ZSWIM5: variants seen among roughly 807,000 people sequenced by gnomAD.
ZSWIM5 encodes the protein zinc finger SWIM-type containing 5, also known as zinc finger SWIM domain-containing protein 5.
A neutral mutation model predicts 119.6 loss-of-function variants in ZSWIM5; 55 were observed. The observed-to-expected ratio is 0.46, with a 90% confidence interval of 0.37 to 0.58. ZSWIM5 has a LOEUF of 0.58. Among genes scored for constraint, ZSWIM5 ranks in the 20% least tolerant of loss-of-function variants. ZSWIM5 has a pLI of 0.00. For synonymous variants in ZSWIM5, 537 were observed against 606.9 expected (o/e 0.88, Z 1.69); for missense variants, 1,193 against 1,512.8 (o/e 0.79, Z 3.51).
Position 45,129,209 on chromosome 1 carries a change from A to C in ZSWIM5, c.596-40972T>G, listed in dbSNP as rs1645640172. On this transcript the variant is annotated intron_variant, in intron 1 of 13. Transcript: ENST00000359600. ...AGAGTCTCGCTGTTGCCCAGGCTGA[A>C]GCGCAATTGCGCAATCTCAGCTCAC... Among the ~76,000 whole-genome samples the C allele has an allele frequency of 2.8e-5, 4 of 141,316 alleles. No homozygotes were observed. The South Asian group carries it at 8.7e-4, about 31-fold the overall frequency. The allele number at this position is 141,316 out of a possible 152,430, so 92.7% of individuals were successfully genotyped here.
At chr1:45,052,876 C>T (rs1339910385) in intron 4 of ZSWIM5, among the ~76,000 whole-genome samples, 1 of 151,778 alleles carries the variant, frequency 6.6e-6, no homozygotes, top group Non-Finnish European at 1.5e-5. Flanking sequence ...AATCCTAGCC[C>T]TGTGGGAGGC....
chr1:45,037,168 T>C (rs2148992216), intron 8 of ZSWIM5, among the ~76,000 whole-genome samples: 1 of 141,554 alleles, frequency 7.1e-6, no homozygotes, highest in Admixed American at 7.5e-5. Context: ...TGGAGAGCAG[T>C]GGCACGGTAT....
intron 1 of ZSWIM5, among the ~76,000 whole-genome samples, chr1:45,194,121 C>T (rs1646108626): frequency 6.6e-6 from 1 of 152,042 alleles, no homozygotes; most frequent in South Asian, 2.1e-4. Flanking sequence ...GTGATGTTGG[C>T]TACTCATATC....
intron 5 of ZSWIM5, among the ~76,000 whole-genome samples, chr1:45,050,728 G>T (rs991277599): frequency 1.3e-5 from 2 of 152,128 alleles, no homozygotes; most frequent in African/African-American, 4.8e-5. Flanking sequence ...CCTCCCCTAA[G>T]TTAGGTCTCA....
chr1:45,205,865 G>A lies in ZSWIM5; in HGVS notation c.486C>T (p.Pro162=), dbSNP rs749414149. ...APGGVAAGAS[P]GLGAGAGAAG... Reference sequence around the variant, plus strand: ...CCGCGCCGGCCCCTGCGCCCAGCCCGGGGGATGCCCCAGCCGCGACGCCCC... The same window carrying A: ...CCGCGCCGGCCCCTGCGCCCAGCCCAGGGGATGCCCCAGCCGCGACGCCCC... Residue 162 remains proline (P), a synonymous_variant, in exon 1 of 14, where the codon CCC becomes CCT. Transcript: ENST00000359600. 2.9e-6 allele frequency: 4 copies of A among 1,369,036 alleles called. No individual in the cohort carries two copies. Among genetic ancestry groups the A allele is most frequent in the South Asian group, 1.4e-5 (1 of 70,644 alleles). The allele number at this position is 1,369,036 out of a possible 1,614,324, so 84.8% of individuals were successfully genotyped here.
intron 1 of ZSWIM5, among the ~76,000 whole-genome samples, chr1:45,182,850 G>C (rs1322613721): frequency 3.3e-5 from 5 of 152,050 alleles, no homozygotes; most frequent in Non-Finnish European, 5.9e-5. Context: ...AAGACAGAAA[G>C]TTAACAAGGA....
chr1:45,172,415 TAGTGA>T (rs544777841), intron 1 of ZSWIM5, among the ~76,000 whole-genome samples: 23 of 152,266 alleles, frequency 1.5e-4, no homozygotes, highest in Admixed American at 5.9e-4. Context: ...GATATATTCT[TAGTGA>T]AGTGAACTGA....
At chr1:45,077,147 T>C (rs1330863973) in intron 2 of ZSWIM5, among the ~76,000 whole-genome samples, 1 of 152,146 alleles carries the variant, frequency 6.6e-6, no homozygotes, top group Non-Finnish European at 1.5e-5. Context: ...CTGAATGGTG[T>C]TGATGCTTGT....
chr1:45,034,278 G>GTGAT, intron 11 of ZSWIM5, 34 bp downstream of exon 11: 1 of 1,542,346 alleles, frequency 6.5e-7, no homozygotes, highest in Non-Finnish European at 8.7e-7. Flanking sequence ...AGGCAGACGG[G>GTGAT]TGATGCTGGA....
rs1248856177 is a variant in ZSWIM5, at chr1:45,060,318, TTG to T, written c.953-73_953-72del. On this transcript the variant is annotated intron_variant, in intron 2 of 13. Transcript: ENST00000359600. ...CTACACATTCAGCTGGAGGGGCACT[TTG>T]TGAGCATATTCAAACAGAGATGGGT... 1.6e-5 allele frequency: 24 copies of T among 1,532,624 alleles called. No individual in the cohort carries two copies. The East Asian group carries it at 2.3e-4, about 15-fold the overall frequency. 94.9% of individuals were successfully genotyped at this position (1,532,624 alleles called of 1,614,324 possible).
chr1:45,179,018 A>C (rs1049220165), intron 1 of ZSWIM5, among the ~76,000 whole-genome samples: 3 of 152,134 alleles, frequency 2.0e-5, no homozygotes, highest in African/African-American at 7.2e-5. Flanking sequence ...ATACACTAGC[A>C]ACAAACAATT....
At chr1:45,193,938 G>GTGTGTGTATATATATATATATATATATA (rs766920512) in intron 1 of ZSWIM5, among the ~76,000 whole-genome samples, 2 of 146,210 alleles carry the variant, frequency 1.4e-5, no homozygotes, top group African/African-American at 5.1e-5. Flanking sequence ...GTGCATATGT[G>GTGTGTGTATATATATATATATATATATA]TATATATATA....
rs1241024616 is a variant in ZSWIM5 at position 45,079,011 on chromosome 1, G to A, written c.952+8870C>T. Among the ~76,000 whole-genome samples, 7 of 152,246 alleles carry A rather than the reference G, an allele frequency of 4.6e-5. No homozygotes were observed. The East Asian group carries it at 1.2e-3, about 25-fold the overall frequency. ...AATCACAAAAGAAGTGAAAATGGCTGGTTCCTGCCTTAACTGATGACATTC... is the reference window on the plus strand; with the variant it reads ...AATCACAAAAGAAGTGAAAATGGCTAGTTCCTGCCTTAACTGATGACATTC... On this transcript the variant is annotated intron_variant, in intron 2 of 13. Coordinates refer to ENST00000359600, the MANE Select transcript of ZSWIM5 (RefSeq NM_020883.2).
chr1:45,134,296 A>G (rs1312479569), intron 1 of ZSWIM5, among the ~76,000 whole-genome samples: 2 of 152,148 alleles, frequency 1.3e-5, no homozygotes, highest in Non-Finnish European at 2.9e-5. Context: ...GTATAAAAAT[A>G]AATACAATTT....
At chr1:45,107,775 C>A (rs1557768301) in intron 1 of ZSWIM5, among the ~76,000 whole-genome samples, 1 of 151,950 alleles carries the variant, frequency 6.6e-6, no homozygotes, top group Non-Finnish European at 1.5e-5. Flanking sequence ...TCAGATGCCT[C>A]CTTTTCTTTC....
chr1:45,119,838 T>A (rs1355611470), intron 1 of ZSWIM5, among the ~76,000 whole-genome samples: 2 of 152,208 alleles, frequency 1.3e-5, no homozygotes, highest in African/African-American at 4.8e-5. Flanking sequence ...GATGATCTCA[T>A]CTTACACCTC....
rs1354243884 is a variant in ZSWIM5 at position 45,088,309 on chromosome 1, A to C, written c.596-72T>G. 4 of 1,084,462 alleles carry C rather than the reference A, an allele frequency of 3.7e-6. No individual in the cohort carries two copies. The highest frequency in any genetic ancestry group is 2.1e-4 in the Middle Eastern group (1 of 4,692). 67.2% of individuals were successfully genotyped at this position (1,084,462 alleles called of 1,614,324 possible). A position where few individuals can be genotyped will look rare whatever the true frequency, so the allele number is the denominator to read the frequency against. On this transcript the variant is annotated intron_variant, in intron 1 of 13. Coordinates refer to ENST00000359600, the MANE Select transcript of ZSWIM5 (RefSeq NM_020883.2). The surrounding 1 kb of genome is among the most constrained non-coding windows in gnomAD (Gnocchi z 4.2). ...AACTTAGATTCTCATTTTACATGTA[A>C]ATTCATCAATTCATAAATTATGTAT... is the stretch of plus-strand genomic sequence containing the variant.
At chr1:45,051,386 C>T in intron 4 of ZSWIM5, 133 bp from the exon 5 acceptor site, 1 of 945,944 alleles carries the variant, frequency 1.1e-6, no homozygotes, top group Non-Finnish European at 1.5e-6. Context: ...AAAAAACTTG[C>T]TAAGATTTTC....
chr1:45,020,524 G>A, intron 12 of ZSWIM5, 101 bp downstream of exon 12: 1 of 1,370,316 alleles, frequency 7.3e-7, no homozygotes, highest in Non-Finnish European at 1.0e-6. Flanking sequence ...CAAAGGAAGA[G>A]CCAGACTTGG....
Sources: allele counts gnomAD v4.1 joint callset (sites outside exome capture counted in the v4.1 genomes callset), GRCh38; gene constraint gnomAD v4.1.1; non-coding constraint Gnocchi (gnomAD v3.1); transcripts MANE v1.5; gene names NCBI Gene and HGNC (gene_info 2026-07-23, HGNC 2026-07-21).